Variants in SLC41A3 observed in about 807,000 individuals in gnomAD.
SLC41A3 encodes the protein SLC41A1-like 2.
In SLC41A3, 44 loss-of-function variants were observed where a neutral mutation model predicts 45.4. The ratio of observed to expected loss-of-function variants is 0.97; its 90% CI spans 0.76 to 1.25. The LOEUF is 1.25. Ranked by LOEUF, SLC41A3 falls within the 50% of genes most tolerant of loss-of-function variation. SLC41A3 has a pLI of 0.00. For synonymous variants in SLC41A3, 256 were observed against 252.4 expected, an observed-to-expected ratio of 1.01 and a Z score of -0.13; for missense variants, 550 against 600.6, an observed-to-expected ratio of 0.92 and a Z score of 0.88.
chr3:126,087,487 AC>A (rs1280409119), upstream of SLC41A3, among the ~76,000 whole-genome samples: 1 of 152,026 alleles, frequency 6.6e-6, no homozygotes, highest in East Asian at 1.9e-4. Flanking sequence ...TTATAGAAAA[AC>A]TTTTTTTTAA....
At chr3:126,056,248 G>A (rs1338413945) in intron 2 of SLC41A3, 2 of 1,388,852 alleles carry the variant, frequency 1.4e-6, no homozygotes, top group Admixed American at 2.1e-5. Context: ...GTTGAGGGCT[G>A]CCCTCCCACT....
intron 2 of SLC41A3, among the ~76,000 whole-genome samples, chr3:126,067,091 C>CAGCG (rs1219282329): frequency 8.2e-5 from 9 of 109,422 alleles, no homozygotes; most frequent in African/African-American, 3.2e-4. Context: ...GTGGGTTGGA[C>CAGCG]CGCCCCCCCG....
chr3:126,089,864 G>A (rs953417622), intron 1 of SLC41A3, among the ~76,000 whole-genome samples: 1 of 152,114 alleles, frequency 6.6e-6, no homozygotes, highest in African/African-American at 2.4e-5. Flanking sequence ...TGATAAACAA[G>A]GAGCCCTTTC....
At chr3:126,064,398 GC>G (rs938596930) in intron 2 of SLC41A3, among the ~76,000 whole-genome samples, 1 of 151,988 alleles carries the variant, frequency 6.6e-6, no homozygotes. Flanking sequence ...GACAAATCTT[GC>G]CCCCCACATC....
chr3:126,040,368 A>C (rs1942507152), intron 3 of SLC41A3, among the ~76,000 whole-genome samples: 1 of 152,194 alleles, frequency 6.6e-6, no homozygotes, highest in Non-Finnish European at 1.5e-5. Context: ...GCTGTAACAG[A>C]AATGAAAAGG....
At chr3:126,010,229 T>C (rs1473303574) in intron 9 of SLC41A3, among the ~76,000 whole-genome samples, 1 of 152,178 alleles carries the variant, frequency 6.6e-6, no homozygotes, top group African/African-American at 2.4e-5. Context: ...AACCCAACAC[T>C]TTGGGAGGCC....
chr3:126,052,739 GC>G (rs1318451037), intron 2 of SLC41A3, among the ~76,000 whole-genome samples: 1 of 152,096 alleles, frequency 6.6e-6, no homozygotes, highest in Non-Finnish European at 1.5e-5. Flanking sequence ...CCAGTCCTTT[GC>G]CAACCTCACT....
chr3:126,061,185 C>T (rs983600809), intron 2 of SLC41A3, among the ~76,000 whole-genome samples: 1 of 152,210 alleles, frequency 6.6e-6, no homozygotes, highest in African/African-American at 2.4e-5. Flanking sequence ...GATGGTCATT[C>T]TTACAGGCAT....
intron 2 of SLC41A3, among the ~76,000 whole-genome samples, chr3:126,054,958 G>C (rs1943564274): frequency 6.6e-6 from 1 of 152,012 alleles, no homozygotes; most frequent in South Asian, 2.1e-4. Flanking sequence ...GGATGCAAAA[G>C]GCCACCCCAG....
At chr3:126,036,661 C>T (rs1576277034) in intron 3 of SLC41A3, among the ~76,000 whole-genome samples, 1 of 90,838 alleles carries the variant, frequency 1.1e-5, no homozygotes, top group South Asian at 3.5e-4. Flanking sequence ...CGCTCACTGC[C>T]CACCTGTATA....
intron 1 of SLC41A3, among the ~76,000 whole-genome samples, chr3:126,100,704 T>C (rs2108146945): frequency 6.6e-6 from 1 of 152,336 alleles, no homozygotes; most frequent in African/African-American, 2.4e-5. Context: ...ACTAATTTGT[T>C]TCTGGCATCT....
chr3:126,065,663 G>A (rs1408446110), intron 2 of SLC41A3, among the ~76,000 whole-genome samples: 1 of 152,206 alleles, frequency 6.6e-6, no homozygotes, highest in Non-Finnish European at 1.5e-5. Flanking sequence ...TGTTTCTAAG[G>A]AAGGCATAGG....
chr3:126,018,865 G>A (rs1940572883), intron 6 of SLC41A3, among the ~76,000 whole-genome samples: 1 of 152,216 alleles, frequency 6.6e-6, no homozygotes, highest in Non-Finnish European at 1.5e-5. Context: ...AGAGCTTGAG[G>A]CACTTTCCTG....
intron 1 of SLC41A3, among the ~76,000 whole-genome samples, chr3:126,069,977 G>A (rs1195928724): frequency 6.6e-6 from 1 of 151,910 alleles, no homozygotes; most frequent in Non-Finnish European, 1.5e-5. Context: ...CAGGACCTCC[G>A]AGAACTATGG....
At chr3:126,089,263 C>T (rs1306766275), upstream of SLC41A3, among the ~76,000 whole-genome samples, 1 of 152,146 alleles carries the variant, frequency 6.6e-6, no homozygotes, top group Non-Finnish European at 1.5e-5. Context: ...TTTGCAGATG[C>T]AGCTTGCTGC....
chr3:126,059,298 GA>G (rs1258889546), intron 2 of SLC41A3, among the ~76,000 whole-genome samples: 1 of 126,962 alleles, frequency 7.9e-6, no homozygotes, highest in Non-Finnish European at 1.7e-5. Context: ...AAGAAAGAAA[GA>G]AAGAAAGAAA....
rs1381671766 is a variant in SLC41A3 at position 126,026,077 on chromosome 3, G to GGACA, written c.598+254_598+257dup. On this transcript the variant is annotated intron_variant, in intron 5 of 10. Coordinates refer to ENST00000360370, the MANE Select transcript of SLC41A3 (RefSeq NM_017836.4). The surrounding 1 kb of genome is among the most constrained non-coding windows in gnomAD (Gnocchi z 4.2). ...CCAGCTGAAGAGACCTGCAGAGCAG[G>GGACA]GACAGGTCTTTACACAGCAGAGAGC... 6.6e-6 allele frequency among the ~76,000 whole-genome samples: 1 copy of GGACA among 152,194 alleles called. No homozygotes were observed. Among genetic ancestry groups the GGACA allele is most frequent in the Non-Finnish European group, 1.5e-5 (1 of 68,040 alleles).
intron 4 of SLC41A3, among the ~76,000 whole-genome samples, chr3:126,031,662 C>G (rs1941804281): frequency 6.6e-6 from 1 of 152,196 alleles, no homozygotes; most frequent in Non-Finnish European, 1.5e-5. Flanking sequence ...AGGATTGGGA[C>G]TATACACCAA....
rs1939145225 is a variant in SLC41A3 at position 126,006,755 on chromosome 3, G to T, written c.*261C>A. The T allele has an allele frequency of 2.1e-6, 3 of 1,443,050 alleles. No individual in the cohort carries two copies. The Admixed American group carries it at 8.6e-5, about 41-fold the overall frequency. The allele number at this position is 1,443,050 out of a possible 1,614,324, so 89.4% of individuals were successfully genotyped here. A position where few individuals can be genotyped will look rare whatever the true frequency, so the allele number is the denominator to read the frequency against. ...AACACCCTCCTCTCCACAAACGTGT[G>T]CACACTTGCACGCTCATTAAGCATG... On this transcript the variant is annotated 3_prime_UTR_variant, in exon 11 of 11. Transcript: ENST00000360370.
Sources: allele counts gnomAD v4.1 joint callset (sites outside exome capture counted in the v4.1 genomes callset), GRCh38; gene constraint gnomAD v4.1.1; non-coding constraint Gnocchi (gnomAD v3.1); transcripts MANE v1.5; gene names NCBI Gene and HGNC (gene_info 2026-07-23, HGNC 2026-07-21).